The following XKR9 variants were observed in gnomAD, a reference collection of about 807,000 sequenced individuals.
The protein encoded by XKR9 is XK related 9.
Under a neutral mutation model 32.0 loss-of-function variants are expected in XKR9, and 32 were observed. The observed-to-expected ratio is 1.00, with a 90% CI of 0.76 to 1.34. XKR9 has a LOEUF of 1.34. Among genes scored for constraint, XKR9 ranks in the 40% most tolerant of loss-of-function variants. The probability of loss-of-function intolerance (pLI) is 0.00; values close to 1 mark genes in which losing one functional copy is unlikely to be tolerated. For missense variants in XKR9, 546 were observed against 429.7 expected, an observed-to-expected ratio of 1.27 and a Z score of -2.39; for synonymous variants, 168 against 143.4, an observed-to-expected ratio of 1.17 and a Z score of -1.22.
chr8:70,874,228 C>T, the XKR9 span, among the ~76,000 whole-genome samples: 64 of 152,172 alleles, frequency 4.2e-4, no homozygotes, highest in African/African-American at 1.5e-3. Flanking sequence ...TGGCATTGAA[C>T]CTGCAATATC....
chr8:70,892,374 A>T, the XKR9 span, among the ~76,000 whole-genome samples: 1 of 152,050 alleles, frequency 6.6e-6, no homozygotes, highest in Non-Finnish European at 1.5e-5. Context: ...TGGAGATTTT[A>T]TGCAGTGATA....
chr8:70,845,350 G>A, the XKR9 span, among the ~76,000 whole-genome samples: 1 of 152,138 alleles, frequency 6.6e-6, no homozygotes, highest in Non-Finnish European at 1.5e-5. Context: ...AGATGTGCAG[G>A]TATCAGTGAA....
the XKR9 span, among the ~76,000 whole-genome samples, chr8:71,033,288 T>G: frequency 6.6e-6 from 1 of 152,138 alleles, no homozygotes; most frequent in Non-Finnish European, 1.5e-5. Flanking sequence ...TTCTTTTAAT[T>G]TGTAAGAAAG....
the XKR9 span, among the ~76,000 whole-genome samples, chr8:71,054,843 G>A: frequency 9.9e-5 from 15 of 152,156 alleles, no homozygotes; most frequent in African/African-American, 3.6e-4. Flanking sequence ...TGTTGCTAAA[G>A]TTGAAACATT....
chr8:70,873,685 G>C, the XKR9 span, among the ~76,000 whole-genome samples: 1 of 152,190 alleles, frequency 6.6e-6, no homozygotes, highest in Non-Finnish European at 1.5e-5. Context: ...GTGGTTTCTT[G>C]AGATGAATCT....
the XKR9 span, among the ~76,000 whole-genome samples, chr8:71,036,734 C>T: frequency 3.0e-4 from 45 of 152,182 alleles, no homozygotes; most frequent in African/African-American, 9.6e-4. Context: ...ATCTCTGTCT[C>T]GAGCTTTCAG....
At chr8:70,739,513 A>G (rs1806928731), downstream of XKR9, among the ~76,000 whole-genome samples, 1 of 152,062 alleles carries the variant, frequency 6.6e-6, no homozygotes, top group South Asian at 2.1e-4. Context: ...TGTCATTATG[A>G]TGTTAGCTGG....
chr8:70,847,973 C>T, the XKR9 span, among the ~76,000 whole-genome samples: 1 of 151,938 alleles, frequency 6.6e-6, no homozygotes, highest in African/African-American at 2.4e-5. Context: ...TCTACAAGGC[C>T]AACACTACTC....
chr8:70,823,375 G>A, the XKR9 span, among the ~76,000 whole-genome samples: 11 of 152,190 alleles, frequency 7.2e-5, no homozygotes, highest in Non-Finnish European at 7.4e-5. Flanking sequence ...CAGCTCTTAA[G>A]TATAACTCAA....
chr8:70,736,197 C>T (rs1197446288), downstream of XKR9, among the ~76,000 whole-genome samples: 1 of 152,138 alleles, frequency 6.6e-6, no homozygotes, highest in Non-Finnish European at 1.5e-5. Flanking sequence ...TTTTGATTTG[C>T]ATTTCTCTGA....
chr8:71,051,515 G>A, the XKR9 span, among the ~76,000 whole-genome samples: 2 of 100,786 alleles, frequency 2.0e-5, no homozygotes, highest in East Asian at 4.0e-4. Context: ...GCTGGTGGCG[G>A]TGGTGGTGGT....
chr8:70,718,581 C>T (rs1806169699), intron 4 of XKR9, among the ~76,000 whole-genome samples: 1 of 152,136 alleles, frequency 6.6e-6, no homozygotes, highest in Non-Finnish European at 1.5e-5. Context: ...GTTTGGATTT[C>T]TCTTCCTGTG....
the XKR9 span, among the ~76,000 whole-genome samples, chr8:71,031,225 C>T: frequency 6.6e-6 from 1 of 152,096 alleles, no homozygotes; most frequent in Non-Finnish European, 1.5e-5. Flanking sequence ...ATCTTTTGTG[C>T]AATTTTAAAA....
At chr8:70,957,540 C>G in the XKR9 span, among the ~76,000 whole-genome samples, 1 of 152,092 alleles carries the variant, frequency 6.6e-6, no homozygotes, top group Non-Finnish European at 1.5e-5. Context: ...CCTCCCACTC[C>G]CCATCCTCTG....
the XKR9 span, among the ~76,000 whole-genome samples, chr8:71,032,220 G>T: frequency 7.1e-6 from 1 of 141,628 alleles, no homozygotes; most frequent in Non-Finnish European, 1.5e-5. Flanking sequence ...GGAGACAGAG[G>T]TTGCAAAGAG....
At chr8:71,039,248 T>A in the XKR9 span, among the ~76,000 whole-genome samples, 4 of 152,176 alleles carry the variant, frequency 2.6e-5, no homozygotes, top group African/African-American at 7.2e-5. Flanking sequence ...TATAATGGGG[T>A]TACATCCCAA....
At chr8:70,938,567 A>G in the XKR9 span, among the ~76,000 whole-genome samples, 9 of 152,198 alleles carry the variant, frequency 5.9e-5, no homozygotes, top group African/African-American at 1.9e-4. Flanking sequence ...GTCCAGAATC[A>G]AATTAAGCAC....
At chr8:70,859,659 A>G in the XKR9 span, among the ~76,000 whole-genome samples, 1 of 152,168 alleles carries the variant, frequency 6.6e-6, no homozygotes, top group Non-Finnish European at 1.5e-5. Flanking sequence ...GTTGGTCATA[A>G]CAAAGAGTGG....
downstream of XKR9, among the ~76,000 whole-genome samples, chr8:70,740,001 G>A (rs201647180): frequency 4.5e-4 from 69 of 152,182 alleles, no homozygotes; most frequent in African/African-American, 1.7e-3. Context: ...TTTCCTGTAT[G>A]TGAATGTTGG....
Sources: allele counts gnomAD v4.1 joint callset (sites outside exome capture counted in the v4.1 genomes callset), GRCh38; gene constraint gnomAD v4.1.1; transcripts MANE v1.5; gene names NCBI Gene and HGNC (gene_info 2026-07-23, HGNC 2026-07-21).